The following ATP8B3 variants were observed in gnomAD, a reference collection of about 807,000 sequenced individuals.
ATP8B3 encodes phospholipid-transporting ATPase IK.
Under a neutral mutation model 140.9 loss-of-function variants are expected in ATP8B3, and 141 were observed. The ratio of observed to expected loss-of-function variants is 1.00; its 90% CI spans 0.87 to 1.15. ATP8B3 has a LOEUF of 1.15. Among genes scored for constraint, ATP8B3 ranks in the 50% most tolerant of loss-of-function variants. The probability of loss-of-function intolerance (pLI) is 0.00; values close to 1 mark genes in which losing one functional copy is unlikely to be tolerated. For missense variants in ATP8B3, 1,874 were observed against 1,740.6 expected, an observed-to-expected ratio of 1.08 and a Z score of -1.36; for synonymous variants, 765 against 714.6, an observed-to-expected ratio of 1.07 and a Z score of -1.13.
rs1423571789 is a variant in ATP8B3 at position 1,809,336 on chromosome 19, T to C, written c.402+307A>G. Among the ~76,000 whole-genome samples the C allele has an allele frequency of 4.1e-5, 6 of 147,112 alleles. No individual in the cohort carries two copies. In the East Asian group the frequency reaches 1.2e-3, roughly 30 times the overall value. Reference sequence around the variant, plus strand: ...TCTCTACTAAAAATACAAAAATTAGTCAGGCGTGGTGGTGCATGCCTGTAA... The same window carrying C: ...TCTCTACTAAAAATACAAAAATTAGCCAGGCGTGGTGGTGCATGCCTGTAA... On this transcript the variant is annotated intron_variant, in intron 4 of 28. Coordinates refer to ENST00000310127, the MANE Select transcript of ATP8B3 (RefSeq NM_138813.4).
At position 1,805,444 on chromosome 19, in the gene ATP8B3, CAAGT is replaced by C; in HGVS notation, c.830_833del (p.Asn277ArgfsTer7). 1 of 1,563,304 alleles carries C rather than the reference CAAGT, an allele frequency of 6.4e-7. No homozygotes were observed. Among genetic ancestry groups the C allele is most frequent in the Non-Finnish European group, 8.7e-7 (1 of 1,151,918 alleles). On this transcript the variant is annotated frameshift_variant, in exon 10 of 29. Coordinates refer to ENST00000310127, the MANE Select transcript of ATP8B3 (RefSeq NM_138813.4). LOFTEE classifies it high-confidence loss of function. This position sits in a 1 kb window ranked among gnomAD's most constrained non-coding sequence, Gnocchi z 5.2. ...TGACCATCAGGGCCTGTCTGAACTT[CAAGT>C]TGGTCTCCCTGGTGACGAGGAGAGG...
chr19:1,801,971 G>A lies in ATP8B3; in HGVS notation c.1137C>T (p.Asn379=), dbSNP rs908938483. ...LKRTKLDLLM[N]KLVVVIFISV... The stretch of plus-strand genomic sequence containing the variant: ...GGCAGCTCACCACAACCACCAGCTT[G>A]TTCATCAGGAGGTCCAGCTTGGTTC... The change falls in exon 12 of 29, where the codon AAC becomes AAT. Residue 379 remains asparagine (N), a synonymous_variant. Coordinates refer to ENST00000310127, the MANE Select transcript of ATP8B3 (RefSeq NM_138813.4). 26 of 1,612,396 alleles carry A rather than the reference G, an allele frequency of 1.6e-5. No individual in the cohort carries two copies. The highest frequency in any genetic ancestry group is 2.0e-5 in the Non-Finnish European group (24 of 1,179,532).
At chr19:1,798,692 C>A (rs1451633212) in intron 14 of ATP8B3, 1 of 151,566 alleles carries the variant, frequency 6.6e-6, no homozygotes, top group African/African-American at 2.4e-5. Flanking sequence ...GAGCCGAGAT[C>A]GCGCCACTGC....
intron 24 of ATP8B3, 51 bp downstream of exon 24, chr19:1,788,846 A>C: frequency 6.7e-7 from 1 of 1,491,166 alleles, no homozygotes; most frequent in Non-Finnish European, 9.1e-7. Context: ...TGGGAGGGGC[A>C]GGGCATCCCC....
chr19:1,802,128 C>T, intron 11 of ATP8B3, 84 bp from the exon 12 acceptor site: 1 of 949,588 alleles, frequency 1.1e-6, no homozygotes, highest in Non-Finnish European at 1.5e-6. Context: ...CACCCACTCC[C>T]CCACTCATCC....
chr19:1,785,216 T>C lies in ATP8B3; in HGVS notation c.3475A>G (p.Thr1159Ala), dbSNP rs370831774. 7 of 1,606,600 alleles carry C rather than the reference T, an allele frequency of 4.4e-6. No individual in the cohort carries two copies. The highest frequency in any genetic ancestry group is 5.1e-6 in the Non-Finnish European group (6 of 1,176,580). The stretch of plus-strand genomic sequence containing the variant: ...AAGAGCCAGAAGCTCTGGGTGGTGG[T>C]AGTCATGATGGCGTAGAAACCAAGG... Reference protein sequence around the residue: ...LSLGFYAIMTTTTQSFWLFRV... With the variant: ...LSLGFYAIMTATTQSFWLFRV... The change falls in exon 27 of 29, where the codon ACC becomes GCC. Residue 1159 changes from threonine to alanine, a missense_variant. This residue lies in a region of ATP8B3 where 840 missense variants were observed against 760.9 expected (regional missense o/e 1.10). Transcript: ENST00000310127.
At chr19:1,803,806 G>T (rs900175035) in intron 10 of ATP8B3, among the ~76,000 whole-genome samples, 19 of 149,362 alleles carry the variant, frequency 1.3e-4, no homozygotes, top group African/African-American at 4.7e-4. Context: ...TGAGGCAGGA[G>T]AATCGCTTGA....
rs1240661415 is a variant in ATP8B3 at position 1,785,489 on chromosome 19, G to C, written c.3373C>G (p.Leu1125Val). The part of the protein sequence containing the change: ...SFAVVVALSC[L>V]LSITMEVILI... ...CCCACCTCCATGGTGATGGACAGCA[G>C]GCAAGACAGGGCCACCACGACCGCA... Residue 1125 changes from leucine to valine, a missense_variant, in exon 26 of 29, where the codon CTG becomes GTG. Coordinates refer to ENST00000310127, the MANE Select transcript of ATP8B3 (RefSeq NM_138813.4). 1 of 1,612,790 alleles carries C rather than the reference G, an allele frequency of 6.2e-7. No individual in the cohort carries two copies. Among genetic ancestry groups the C allele is most frequent in the Non-Finnish European group, 8.5e-7 (1 of 1,179,850 alleles).
chr19:1,810,512 C>A (rs2069157027), intron 3 of ATP8B3, 110 bp downstream of exon 3: 3 of 1,102,506 alleles, frequency 2.7e-6, no homozygotes, highest in Non-Finnish European at 3.8e-6. Flanking sequence ...GATCCACCCG[C>A]CTCAGCCTCC....
At chr19:1,808,645 G>A (rs1303087300) in intron 4 of ATP8B3, among the ~76,000 whole-genome samples, 1 of 152,248 alleles carries the variant, frequency 6.6e-6, no homozygotes, top group Non-Finnish European at 1.5e-5. Flanking sequence ...AAAGCCTGGA[G>A]CCAGCATTAA....
chr19:1,804,065 C>T lies in ATP8B3; in HGVS notation c.904+1309G>A, dbSNP rs368596470. 1.6e-4 allele frequency among the ~76,000 whole-genome samples: 24 copies of T among 152,276 alleles called. No homozygotes were observed. In the South Asian group the frequency reaches 2.1e-3, roughly 13 times the overall value. On this transcript the variant is annotated intron_variant, in intron 10 of 28. Coordinates refer to ENST00000310127, the MANE Select transcript of ATP8B3 (RefSeq NM_138813.4). ...GTCAGGAGCAAGGAAAAGATTCTGT[C>T]CTCAAACCAATTAGAGTGACTCTCC... is the stretch of plus-strand genomic sequence containing the variant.
In ATP8B3 at chr19:1,795,822, CACACACACACACACACACACACACAT is replaced by C. The variant is rs2068647856; in HGVS notation, c.2055+27_2055+52del. ...ACACACACACACACACACACACACA[CACACACACACACACACACACACACAT>C]AAGCCAGCCTTCCTGAAGGGACTCA... On this transcript the variant is annotated intron_variant, in intron 18 of 28. Coordinates refer to ENST00000310127, the MANE Select transcript of ATP8B3 (RefSeq NM_138813.4). The C allele has an allele frequency of 5.0e-6, 6 of 1,206,026 alleles. No homozygotes were observed. In the African/African-American group the frequency reaches 9.3e-5, roughly 19 times the overall value. 74.7% of individuals were successfully genotyped at this position (1,206,026 alleles called of 1,614,324 possible). A position where few individuals can be genotyped will look rare whatever the true frequency, so the allele number is the denominator to read the frequency against.
rs755906541 is a variant in ATP8B3, at chr19:1,785,157, A to C, written c.3532+2T>G. The C allele has an allele frequency of 5.8e-6, 9 of 1,562,846 alleles. No individual in the cohort carries two copies. The East Asian group carries it at 2.1e-4, about 36-fold the overall frequency. On this transcript the variant is annotated splice_donor_variant, in intron 27 of 28. Coordinates refer to ENST00000310127, the MANE Select transcript of ATP8B3 (RefSeq NM_138813.4). LOFTEE classifies it high-confidence loss of function. Reference sequence around the variant, plus strand: ...CCGTCCCACTTCCCCATGGGGGCTCACACAGAAACGGGAAGGTCGTGGGGG... The same window carrying C: ...CCGTCCCACTTCCCCATGGGGGCTCCCACAGAAACGGGAAGGTCGTGGGGG...
In ATP8B3 at chr19:1,811,791, C is replaced by G; in HGVS notation, c.-55G>C. The G allele has an allele frequency of 6.6e-7, 1 of 1,512,092 alleles. No homozygotes were observed. Among genetic ancestry groups the G allele is most frequent in the Non-Finnish European group, 8.8e-7 (1 of 1,134,264 alleles). 93.7% of individuals were successfully genotyped at this position (1,512,092 alleles called of 1,614,324 possible). A position where few individuals can be genotyped will look rare whatever the true frequency, so the allele number is the denominator to read the frequency against. On this transcript the variant is annotated 5_prime_UTR_variant, in exon 2 of 29. Transcript: ENST00000310127. ...GCGAAGAGGGGTTTAGGCTGTGGGA[C>G]GGGGGAGAGGTGGGGGAGACCCCCG...
At position 1,787,728 on chromosome 19, in the gene ATP8B3, TAAAAAA is replaced by T. The variant is rs561418063; in HGVS notation, c.3070-548_3070-543del. Among the ~76,000 whole-genome samples, 282 of 119,704 alleles carry T rather than the reference TAAAAAA, an allele frequency of 2.4e-3. 1 individual carries two copies. The highest frequency in any genetic ancestry group is 8.4e-3 in the African/African-American group (268 of 31,956). 78.5% of individuals were successfully genotyped at this position (119,704 alleles called of 152,430 possible). On this transcript the variant is annotated intron_variant, in intron 24 of 28. Coordinates refer to ENST00000310127, the MANE Select transcript of ATP8B3 (RefSeq NM_138813.4). ...TGGGCAACAAGTGTGAAACTCTGTCTAAAAAAAAAAAAAAAAAAAAAAAAAAAAAAA... is the reference window on the plus strand; with the variant it reads ...TGGGCAACAAGTGTGAAACTCTGTCTAAAAAAAAAAAAAAAAAAAAAAAAA...
At chr19:1,802,124 C>T in intron 11 of ATP8B3, 80 bp from the exon 12 acceptor site, 1 of 965,994 alleles carries the variant, frequency 1.0e-6, no homozygotes, top group Non-Finnish European at 1.5e-6. Context: ...CATCCACCCA[C>T]TCCCCCACTC....
chr19:1,804,630 A>G (rs2068955721), intron 10 of ATP8B3, among the ~76,000 whole-genome samples: 1 of 151,300 alleles, frequency 6.6e-6, no homozygotes, highest in Non-Finnish European at 1.5e-5. Context: ...GAAAAAAGAA[A>G]CCCCGTCTCT....
chr19:1,810,590 C>T, intron 3 of ATP8B3, 32 bp downstream of exon 3: 1 of 1,605,854 alleles, frequency 6.2e-7, no homozygotes, highest in South Asian at 1.1e-5. Flanking sequence ...ATCCCTCCCA[C>T]CTGCACCGCC....
chr19:1,810,902 C>A (rs2069170209), intron 2 of ATP8B3, among the ~76,000 whole-genome samples: 1 of 152,174 alleles, frequency 6.6e-6, no homozygotes, highest in African/African-American at 2.4e-5. Context: ...GATCCTCAAA[C>A]CTGCAACAGC....
Sources: gnomAD v4.1 joint callset for allele counts (sites outside exome capture counted in the v4.1 genomes callset) on GRCh38, gnomAD v4.1.1 for gene constraint, gnomAD v4.1.1 regional missense constraint, Gnocchi (gnomAD v3.1) non-coding constraint, MANE v1.5 for transcripts, NCBI Gene and HGNC (gene_info 2026-07-23, HGNC 2026-07-21) for gene names.